Variants in PTPRQ observed in about 807,000 individuals in gnomAD.
The protein encoded by PTPRQ is protein tyrosine phosphatase receptor type Q.
PTPRQ carries 199 observed loss-of-function variants against 246.0 expected under a neutral mutation model. That is an observed-to-expected ratio of 0.81 (90% CI 0.72 to 0.91). The LOEUF (loss-of-function observed/expected upper bound fraction) is 0.91. PTPRQ is among the 40% of genes least tolerant of loss of function. The probability of loss-of-function intolerance (pLI) is 0.00; values close to 1 mark genes in which losing one functional copy is unlikely to be tolerated. For missense variants in PTPRQ, 2,624 were observed against 2,528.4 expected (o/e 1.04, Z -0.81); for synonymous variants, 869 against 853.2 (o/e 1.02, Z -0.32).
At chr12:80,479,753 A>G (rs1255896012) in intron 8 of PTPRQ, among the ~76,000 whole-genome samples, 1 of 151,596 alleles carries the variant, frequency 6.6e-6, no homozygotes, top group African/African-American at 2.4e-5. Flanking sequence ...CAGACTTTAA[A>G]CCAATAAAGA....
intron 42 of PTPRQ, among the ~76,000 whole-genome samples, chr12:80,672,482 AT>A (rs1901001227): frequency 6.6e-6 from 1 of 151,690 alleles, no homozygotes; most frequent in South Asian, 2.1e-4. Context: ...ACTTTCAAAA[AT>A]TTTTTTCGAT....
intron 25 of PTPRQ, among the ~76,000 whole-genome samples, chr12:80,586,331 C>G (rs1897617385): frequency 6.6e-6 from 1 of 151,028 alleles, no homozygotes; most frequent in Admixed American, 6.6e-5. Context: ...AAATGCAAAT[C>G]AAAACCACAA....
intron 26 of PTPRQ, among the ~76,000 whole-genome samples, chr12:80,595,196 G>C (rs1483924799): frequency 1.3e-5 from 2 of 151,970 alleles, no homozygotes; most frequent in Admixed American, 1.3e-4. Flanking sequence ...CCCAAAATTT[G>C]TTTCTCAACA....
intron 35 of PTPRQ, among the ~76,000 whole-genome samples, chr12:80,636,213 T>C (rs1218643997): frequency 6.6e-6 from 1 of 152,218 alleles, no homozygotes; most frequent in African/African-American, 2.4e-5. Context: ...AGTGGTCCTA[T>C]CCACAAATGG....
intron 5 of PTPRQ, among the ~76,000 whole-genome samples, chr12:80,459,842 C>A (rs929671722): frequency 2.0e-5 from 3 of 151,870 alleles, no homozygotes; most frequent in Admixed American, 6.6e-5. Context: ...TTTATAAAGC[C>A]CTGAGGTGGA....
chr12:80,628,478 T>G (rs771029205), intron 33 of PTPRQ, among the ~76,000 whole-genome samples: 1 of 152,224 alleles, frequency 6.6e-6, no homozygotes, highest in East Asian at 1.9e-4. Context: ...GCAGTAAAAT[T>G]ATAAATTATG....
At chr12:80,633,789 C>T (rs189545279) in intron 34 of PTPRQ, among the ~76,000 whole-genome samples, 130 of 152,244 alleles carry the variant, frequency 8.5e-4, no homozygotes, top group Non-Finnish European at 1.5e-3. Flanking sequence ...TGGGCCTTTC[C>T]CTAAGGAGTA....
intron 17 of PTPRQ, chr12:80,512,592 G>A (rs1351803949): frequency 1.3e-5 from 2 of 152,126 alleles, no homozygotes; most frequent in Non-Finnish European, 2.9e-5. Flanking sequence ...CTACAATTCT[G>A]ATGTCATATA....
At chr12:80,505,552 G>A (rs1347023010) in intron 14 of PTPRQ, among the ~76,000 whole-genome samples, 1 of 151,786 alleles carries the variant, frequency 6.6e-6, no homozygotes, top group East Asian at 1.9e-4. Context: ...CCATATTCTT[G>A]GGAGATGGTT....
chr12:80,483,287 AAC>A, intron 8 of PTPRQ, among the ~76,000 whole-genome samples: 2 of 142,580 alleles, frequency 1.4e-5, no homozygotes, highest in Non-Finnish European at 3.1e-5. Flanking sequence ...CAAAAAACCA[AAC>A]GCCGCATATT....
intron 17 of PTPRQ, among the ~76,000 whole-genome samples, chr12:80,512,959 G>C (rs554813344): frequency 4.3e-4 from 65 of 152,214 alleles, no homozygotes; most frequent in African/African-American, 1.6e-3. Flanking sequence ...GTGCCCCCCT[G>C]CTCAAACCTC....
At chr12:80,642,898 C>T (rs1401803621) in intron 35 of PTPRQ, among the ~76,000 whole-genome samples, 2 of 114,988 alleles carry the variant, frequency 1.7e-5, no homozygotes, top group Non-Finnish European at 3.3e-5. Flanking sequence ...CCAGCCTGGG[C>T]GACAGAGCGA....
At chr12:80,593,426 A>T (rs1897867815) in intron 26 of PTPRQ, among the ~76,000 whole-genome samples, 1 of 152,218 alleles carries the variant, frequency 6.6e-6, no homozygotes, top group African/African-American at 2.4e-5. Flanking sequence ...GCAAGCTGAG[A>T]TTTAAATTGG....
At chr12:80,626,408 T>C (rs1899202899) in intron 33 of PTPRQ, among the ~76,000 whole-genome samples, 3 of 152,178 alleles carry the variant, frequency 2.0e-5, no homozygotes, top group African/African-American at 7.2e-5. Flanking sequence ...GGAGATTAAA[T>C]CAGATGAATA....
At chr12:80,554,537 A>T (rs1449651396) in intron 25 of PTPRQ, among the ~76,000 whole-genome samples, 1 of 152,196 alleles carries the variant, frequency 6.6e-6, no homozygotes, top group Non-Finnish European at 1.5e-5. Context: ...CTTCCCTCAG[A>T]TGCAAAAATT....
chr12:80,444,646 T>C, intron 1 of PTPRQ, 95 bp from the exon 2 acceptor site: 2 of 885,162 alleles, frequency 2.3e-6, no homozygotes, highest in Non-Finnish European at 3.7e-6. Context: ...AGTTATATAG[T>C]GAAGAGTTAA....
At chr12:80,586,283 A>G (rs1447246245) in intron 25 of PTPRQ, among the ~76,000 whole-genome samples, 1 of 151,712 alleles carries the variant, frequency 6.6e-6, no homozygotes, top group South Asian at 2.1e-4. Context: ...CAGCCAAAAG[A>G]CACATGAAAA....
chr12:80,505,876 ATACTT>A, intron 14 of PTPRQ, 143 bp from the exon 15 acceptor site: 13 of 949,818 alleles, frequency 1.4e-5, no homozygotes, highest in Non-Finnish European at 1.8e-5. Flanking sequence ...TAATTTATTT[ATACTT>A]TACTTCATTC....
intron 25 of PTPRQ, among the ~76,000 whole-genome samples, chr12:80,564,078 TTTTTC>T (rs1190186788): frequency 1.3e-5 from 2 of 151,892 alleles, no homozygotes; most frequent in Non-Finnish European, 2.9e-5. Flanking sequence ...GAGCAGATTT[TTTTTC>T]TTTTATTTAT....
Sources: allele counts gnomAD v4.1 joint callset (sites outside exome capture counted in the v4.1 genomes callset), GRCh38; gene constraint gnomAD v4.1.1; transcripts MANE v1.5; gene names NCBI Gene and HGNC (gene_info 2026-07-23, HGNC 2026-07-21).